AP3S2: variants seen among roughly 807,000 people sequenced by gnomAD.
AP3S2 encodes the protein AP-3 complex subunit sigma-2.
AP3S2 carries 22 observed loss-of-function variants against 23.4 expected under a neutral mutation model. The ratio of observed to expected loss-of-function variants is 0.94; its 90% confidence interval spans 0.67 to 1.34. The LOEUF is 1.34. Among genes scored for constraint, AP3S2 ranks in the 40% most tolerant of loss-of-function variants. AP3S2 has a pLI of 0.00. For missense variants in AP3S2, 241 were observed against 236.9 expected, an observed-to-expected ratio of 1.02 and a Z score of -0.11; for synonymous variants, 86 against 87.1, an observed-to-expected ratio of 0.99 and a Z score of 0.07.
chr15:89,886,962 T>C (rs1312679005), intron 3 of AP3S2, among the ~76,000 whole-genome samples: 1 of 152,108 alleles, frequency 6.6e-6, no homozygotes, highest in Non-Finnish European at 1.5e-5. Flanking sequence ...GCCCAGCTAA[T>C]TTTTTGTATT....
At chr15:89,858,480 AAAGAAAG>A (rs1174118748) in intron 4 of AP3S2, among the ~76,000 whole-genome samples, 1 of 33,214 alleles carries the variant, frequency 3.0e-5, no homozygotes, top group Non-Finnish European at 5.8e-5. Context: ...AGAAAGAAAG[AAAGAAAG>A]AAAGAAAGAG....
At chr15:89,880,612 T>C (rs927580359) in intron 3 of AP3S2, among the ~76,000 whole-genome samples, 1 of 150,158 alleles carries the variant, frequency 6.7e-6, no homozygotes, top group African/African-American at 2.5e-5. Context: ...AGGCGGAGGT[T>C]GCAGTGAGCC....
intron 1 of AP3S2, chr15:89,893,447 C>CA (rs1033154492): frequency 0.016 from 4,679 of 298,174 alleles, 22 homozygotes; most frequent in African/African-American, 0.036. Context: ...AAAATAATTC[C>CA]AAAAAAAAAA....
At chr15:89,857,935 C>T (rs946602813) in intron 4 of AP3S2, among the ~76,000 whole-genome samples, 1 of 152,146 alleles carries the variant, frequency 6.6e-6, no homozygotes, top group African/African-American at 2.4e-5. Context: ...CACACATGCC[C>T]AGGTAGAAGC....
intron 4 of AP3S2, among the ~76,000 whole-genome samples, chr15:89,841,170 GT>G (rs1895322440): frequency 6.6e-6 from 1 of 152,168 alleles, no homozygotes; most frequent in East Asian, 1.9e-4. Flanking sequence ...CTAGTGGCTG[GT>G]TAACAGAAAA....
rs1263317272 is a variant in AP3S2, at chr15:89,893,776, C to T, written c.69+105G>A. ...GCGAGGGTCATGCTCGGTGCAGGAG[C>T]CCCAGGTGACCAAAGAGCGGTGCCC... On this transcript the variant is annotated intron_variant, in intron 1 of 5. Coordinates refer to ENST00000336418, the MANE Select transcript of AP3S2 (RefSeq NM_005829.5). 16 of 1,125,066 alleles carry T rather than the reference C, an allele frequency of 1.4e-5. No individual in the cohort carries two copies. The East Asian group carries it at 4.1e-4, about 29-fold the overall frequency. 69.7% of individuals were successfully genotyped at this position (1,125,066 alleles called of 1,614,324 possible).
chr15:89,890,437 T>A (rs1314423051), intron 1 of AP3S2, among the ~76,000 whole-genome samples: 1 of 152,222 alleles, frequency 6.6e-6, no homozygotes, highest in African/African-American at 2.4e-5. Context: ...ATTATACATA[T>A]GAGTTTCAGA....
At chr15:89,874,384 C>G (rs1896392845) in intron 3 of AP3S2, among the ~76,000 whole-genome samples, 1 of 152,176 alleles carries the variant, frequency 6.6e-6, no homozygotes, top group Admixed American at 6.6e-5. Context: ...AAGAGACCAC[C>G]AAACAGGCTT....
In AP3S2 at chr15:89,835,530, C is replaced by G. The variant is rs1895166759; in HGVS notation, c.567G>C (p.Leu189=). The G allele has an allele frequency of 6.2e-7, 1 of 1,613,774 alleles. No individual in the cohort carries two copies. The highest frequency in any genetic ancestry group is 8.5e-7 in the Non-Finnish European group (1 of 1,179,950). Residue 189 remains leucine, a synonymous_variant, in exon 6 of 6, where the codon CTG becomes CTC. Coordinates refer to ENST00000336418, the MANE Select transcript of AP3S2 (RefSeq NM_005829.5). ...IGDLNIKVPN[L]SQFV ...TACTTGATCCTCAGACAAACTGGGA[C>G]AGGTTGGGAACTTTGATGTTGAGAT...
chr15:89,857,524 C>T (rs1000162925), intron 4 of AP3S2, among the ~76,000 whole-genome samples: 2 of 152,150 alleles, frequency 1.3e-5, no homozygotes, highest in Non-Finnish European at 2.9e-5. Context: ...ACCATTTATT[C>T]TGTTAAGAAA....
intron 4 of AP3S2, among the ~76,000 whole-genome samples, chr15:89,869,062 G>C (rs1269716512): frequency 6.6e-6 from 1 of 152,038 alleles, no homozygotes; most frequent in Admixed American, 6.5e-5. Flanking sequence ...CACCCCGTCT[G>C]GGAGGTGTGC....
rs140093718 is a variant in AP3S2, at chr15:89,874,902, C to T, written c.274-3356G>A. Among the ~76,000 whole-genome samples, 47 of 152,048 alleles carry T rather than the reference C, an allele frequency of 3.1e-4. No homozygotes were observed. The East Asian group carries it at 6.6e-3, about 21-fold the overall frequency. On this transcript the variant is annotated intron_variant, in intron 3 of 5. Coordinates refer to ENST00000336418, the MANE Select transcript of AP3S2 (RefSeq NM_005829.5). The stretch of plus-strand genomic sequence containing the variant: ...AAAATGCAATTTTAAAAATAAGAGT[C>T]GTATTTTAAGTTGGTGGGGAAAAGA...
At chr15:89,837,946 T>C in intron 4 of AP3S2, 1 of 482,174 alleles carries the variant, frequency 2.1e-6, no homozygotes. Flanking sequence ...GTGGTAGCTA[T>C]GAGCACAGGC....
intron 4 of AP3S2, chr15:89,865,448 G>A (rs1896095810): frequency 6.6e-6 from 1 of 152,188 alleles, no homozygotes; most frequent in African/African-American, 2.4e-5. Context: ...TTACCACACT[G>A]AGAATATAAA....
At chr15:89,876,430 G>GA (rs907820594) in intron 3 of AP3S2, 21 of 144,950 alleles carry the variant, frequency 1.4e-4, no homozygotes, top group South Asian at 4.3e-4. Context: ...AAAAAGGAAA[G>GA]AAAAAAAAAA....
Position 89,893,897 on chromosome 15 carries a change from C to T in AP3S2, c.53G>A (p.Arg18His), listed in dbSNP as rs1896878668. 3 of 1,551,596 alleles carry T rather than the reference C, an allele frequency of 1.9e-6. No homozygotes were observed. Among genetic ancestry groups the T allele is most frequent in the African/African-American group, 2.7e-5 (2 of 73,066 alleles). Reference protein sequence around the residue: ...FNNHGKPRLVRFYQRFPEEIQ... With the variant: ...FNNHGKPRLVHFYQRFPEEIQ... ...CGCACTCACGAAACGCTGGTAGAAG[C>T]GGACTAGCCGTGGCTTCCCATGGTT... is the stretch of plus-strand genomic sequence containing the variant. Residue 18 changes from arginine to histidine, a missense_variant, in exon 1 of 6, where the codon CGC (arginine) becomes CAC (histidine). Coordinates refer to ENST00000336418, the MANE Select transcript of AP3S2 (RefSeq NM_005829.5).
At chr15:89,850,349 T>C (rs916086956) in intron 4 of AP3S2, among the ~76,000 whole-genome samples, 9 of 152,228 alleles carry the variant, frequency 5.9e-5, no homozygotes, top group Admixed American at 2.0e-4. Context: ...CAGTGGGCAA[T>C]GAATGAATCC....
rs1365528001 is a variant in AP3S2, at chr15:89,868,346, G to T, written c.345+3129C>A. Among the ~76,000 whole-genome samples the T allele has an allele frequency of 2.2e-3, 225 of 101,932 alleles. 2 individuals are homozygous for T. Among genetic ancestry groups the T allele is most frequent in the Admixed American group, 3.7e-3 (42 of 11,344 alleles). The allele number at this position is 101,932 out of a possible 152,430, so 66.9% of individuals were successfully genotyped here. Reference sequence around the variant, plus strand: ...GCCCCGTCCGGGAGGGAGGTGGAGGGGTCAGCCCCCCGCCCGGCCAGCCGC... The same window carrying T: ...GCCCCGTCCGGGAGGGAGGTGGAGGTGTCAGCCCCCCGCCCGGCCAGCCGC... On this transcript the variant is annotated intron_variant, in intron 4 of 5. Transcript: ENST00000336418.
At chr15:89,850,427 T>C (rs1284916056) in intron 4 of AP3S2, among the ~76,000 whole-genome samples, 1 of 152,160 alleles carries the variant, frequency 6.6e-6, no homozygotes, top group Non-Finnish European at 1.5e-5. Flanking sequence ...GATTGAAAAT[T>C]TGTTTTAAGC....
Sources: gnomAD v4.1 joint callset for allele counts (sites outside exome capture counted in the v4.1 genomes callset) on GRCh38, gnomAD v4.1.1 for gene constraint, MANE v1.5 for transcripts, NCBI Gene and HGNC (gene_info 2026-07-23, HGNC 2026-07-21) for gene names.